The following CDH7 variants were observed in gnomAD, a reference collection of about 807,000 sequenced individuals.
CDH7 encodes the protein cadherin-7.
CDH7 carries 25 observed loss-of-function variants against 71.8 expected under a neutral mutation model. That is an observed-to-expected ratio of 0.35 (90% CI 0.25 to 0.49). The LOEUF (loss-of-function observed/expected upper bound fraction) is 0.49, where lower values mean the gene tolerates loss of function less well. Ranked by LOEUF, CDH7 falls within the 20% of genes least tolerant of loss-of-function variation. The pLI is 0.99. For synonymous variants in CDH7, 381 were observed against 363.8 expected (o/e 1.05, Z -0.54); for missense variants, 862 against 974.6 (o/e 0.88, Z 1.54).
chr18:65,864,887 T>C (rs62088989), intron 11 of CDH7, among the ~76,000 whole-genome samples: 1 of 83,776 alleles, frequency 1.2e-5, no homozygotes, highest in African/African-American at 7.0e-5. Flanking sequence ...CGAGACTCCA[T>C]CTAAAAAAAA....
intron 3 of CDH7, among the ~76,000 whole-genome samples, chr18:65,813,747 A>G (rs55890683): frequency 4.3e-4 from 66 of 152,270 alleles, no homozygotes; most frequent in Non-Finnish European, 7.1e-4. Context: ...AGGAAAACAG[A>G]TCAGAAGAAA....
At position 65,782,159 on chromosome 18, in the gene CDH7, TTTCTTCC is replaced by T. The variant is rs1568182701; in HGVS notation, c.210+19110_210+19116del. Among the ~76,000 whole-genome samples the T allele has an allele frequency of 5.9e-5, 7 of 119,352 alleles. 1 individual carries two copies. The highest frequency in any genetic ancestry group is 2.9e-4 in the African/African-American group (7 of 23,980). The allele number at this position is 119,352 out of a possible 152,430, so 78.3% of individuals were successfully genotyped here. On this transcript the variant is annotated intron_variant, in intron 2 of 11. Coordinates refer to ENST00000397968, the MANE Select transcript of CDH7 (RefSeq NM_004361.5). ...CTTTCTTTCTTTCTTTCTTTCTTTCTTTCTTCCTTTCTTTCTTTCTTTCTTTCTTGAC... is the reference window on the plus strand; with the variant it reads ...CTTTCTTTCTTTCTTTCTTTCTTTCTTTTCTTTCTTTCTTTCTTTCTTGAC...
chr18:65,757,182 A>G (rs373812235), intron 1 of CDH7, among the ~76,000 whole-genome samples: 89 of 152,310 alleles, frequency 5.8e-4, no homozygotes, highest in African/African-American at 1.9e-3. Flanking sequence ...AAATTCCAAG[A>G]AAACGTTATA....
intron 1 of CDH7, among the ~76,000 whole-genome samples, chr18:65,752,527 A>T (rs1200347024): frequency 6.6e-6 from 1 of 152,202 alleles, no homozygotes; most frequent in African/African-American, 2.4e-5. Context: ...AACTAGTTAG[A>T]CTTTGGTTTA....
intron 10 of CDH7, among the ~76,000 whole-genome samples, chr18:65,860,231 C>T (rs1913514804): frequency 6.6e-6 from 1 of 152,094 alleles, no homozygotes; most frequent in South Asian, 2.1e-4. Flanking sequence ...TCAACTTTGA[C>T]TTAATGTTTT....
intron 11 of CDH7, chr18:65,863,782 T>G (rs1486219999): frequency 1.3e-5 from 2 of 152,234 alleles, no homozygotes; most frequent in Non-Finnish European, 2.9e-5. Flanking sequence ...TAAATTAAAT[T>G]TATAACTCAT....
chr18:65,853,375 C>T (rs1382502390), intron 7 of CDH7, among the ~76,000 whole-genome samples: 1 of 126,236 alleles, frequency 7.9e-6, no homozygotes. Context: ...CTTTTAGGGC[C>T]TTTCTTCTCT....
At chr18:65,771,543 T>C (rs1374773251) in intron 2 of CDH7, among the ~76,000 whole-genome samples, 2 of 151,858 alleles carry the variant, frequency 1.3e-5, no homozygotes, top group Non-Finnish European at 2.9e-5. Context: ...CGTCATTGCA[T>C]GTGCCTGTTG....
chr18:65,757,792 T>TATA lies in CDH7; in HGVS notation c.-196-4855_-196-4854insATA, dbSNP rs398120578. On this transcript the variant is annotated intron_variant, in intron 1 of 11. Transcript: ENST00000397968. ...AACTGTATATCCATATATATATATA[T>TATA]TTTTTTTTTCTGCACTTTTTAAAGA... is the stretch of plus-strand genomic sequence containing the variant. Among the ~76,000 whole-genome samples, 194 of 98,908 alleles carry TATA rather than the reference T, an allele frequency of 2.0e-3. 2 individuals are homozygous for TATA. The highest frequency in any genetic ancestry group is 0.011 in the South Asian group (45 of 4,150). The allele number at this position is 98,908 out of a possible 152,430, so 64.9% of individuals were successfully genotyped here. A position where few individuals can be genotyped will look rare whatever the true frequency, so the allele number is the denominator to read the frequency against.
In CDH7 at chr18:65,775,481, A is replaced by C. The variant is rs537074504; in HGVS notation, c.210+12429A>C. 2.0e-5 allele frequency among the ~76,000 whole-genome samples: 3 copies of C among 152,276 alleles called. 1 individual carries two copies. The highest frequency in any genetic ancestry group is 7.2e-5 in the African/African-American group (3 of 41,570). On this transcript the variant is annotated intron_variant, in intron 2 of 11. Transcript: ENST00000397968. ...TGGTACATATTTTTATTTTGCATTC[A>C]ATTGCTACTTTCTATAACTGGCCTA...
At chr18:65,762,220 G>T (rs547648220) in intron 1 of CDH7, among the ~76,000 whole-genome samples, 1 of 152,128 alleles carries the variant, frequency 6.6e-6, no homozygotes, top group East Asian at 1.9e-4. Context: ...TTCCCATTTG[G>T]TTAAATTTCT....
At chr18:65,803,495 T>G (rs553226236) in intron 2 of CDH7, 3 of 152,306 alleles carry the variant, frequency 2.0e-5, no homozygotes, top group African/African-American at 7.2e-5. Context: ...AGAGATGCTT[T>G]ATAAGTGAAT....
chr18:65,756,121 C>G (rs1304964757), intron 1 of CDH7, among the ~76,000 whole-genome samples: 1 of 152,124 alleles, frequency 6.6e-6, no homozygotes, highest in Non-Finnish European at 1.5e-5. Context: ...CATCTTTCAC[C>G]CTACTTAAAG....
intron 2 of CDH7, among the ~76,000 whole-genome samples, chr18:65,791,043 A>G (rs990408022): frequency 4.6e-5 from 7 of 152,220 alleles, no homozygotes; most frequent in Non-Finnish European, 1.0e-4. Context: ...AAAATGTAAA[A>G]AGTGTTTAAC....
Position 65,857,925 on chromosome 18 carries a change from A to G in CDH7, c.1345A>G (p.Asn449Asp). 12 of 1,613,678 alleles carry G rather than the reference A, an allele frequency of 7.4e-6. No homozygotes were observed. The highest frequency in any genetic ancestry group is 9.3e-6 in the Non-Finnish European group (11 of 1,179,714). Residue 449 changes from asparagine to aspartate, a missense_variant, in exon 8 of 12, where the codon AAT becomes GAT. Asn to Asp is a conservative substitution (Grantham distance 23). Coordinates refer to ENST00000397968, the MANE Select transcript of CDH7 (RefSeq NM_004361.5). ...SLDRETNAIHNITVLAMESQN... is the reference protein window; with the variant it reads ...SLDRETNAIHDITVLAMESQN... The stretch of plus-strand genomic sequence containing the variant: ...GGATCGAGAGACAAATGCTATTCAC[A>G]ATATCACAGTCCTTGCAATGGAGAG...
At chr18:65,854,406 C>A (rs1913274551) in intron 7 of CDH7, among the ~76,000 whole-genome samples, 1 of 152,032 alleles carries the variant, frequency 6.6e-6, no homozygotes, top group Non-Finnish European at 1.5e-5. Flanking sequence ...TTTTTCAAAA[C>A]AGATAGAGTC....
intron 6 of CDH7, among the ~76,000 whole-genome samples, chr18:65,841,443 G>A (rs1912729246): frequency 6.6e-6 from 1 of 152,098 alleles, no homozygotes; most frequent in Non-Finnish European, 1.5e-5. Flanking sequence ...GCATTGATTT[G>A]AAAGGAGCTG....
intron 7 of CDH7, among the ~76,000 whole-genome samples, chr18:65,852,078 A>G (rs1319157797): frequency 6.6e-6 from 1 of 152,168 alleles, no homozygotes; most frequent in Non-Finnish European, 1.5e-5. Flanking sequence ...ACAGAATTGG[A>G]GATGTGTGTG....
intron 2 of CDH7, among the ~76,000 whole-genome samples, chr18:65,789,599 GAAAACC>G (rs1379908585): frequency 6.6e-6 from 1 of 152,102 alleles, no homozygotes; most frequent in Non-Finnish European, 1.5e-5. Context: ...ACAGGAGACA[GAAAACC>G]AAGTCGGTGA....
Sources: gnomAD v4.1 joint callset for allele counts (sites outside exome capture counted in the v4.1 genomes callset) on GRCh38, gnomAD v4.1.1 for gene constraint, MANE v1.5 for transcripts, NCBI Gene and HGNC (gene_info 2026-07-23, HGNC 2026-07-21) for gene names.